Variants in RGS7 observed in about 807,000 individuals in gnomAD.
The protein encoded by RGS7 is regulator of G-protein signaling 7.
A neutral mutation model predicts 81.1 loss-of-function variants in RGS7; 27 were observed. That is an observed-to-expected ratio of 0.33 (90% CI 0.25 to 0.46). The LOEUF (loss-of-function observed/expected upper bound fraction) is 0.46. Ranked by LOEUF, RGS7 falls within the 20% of genes least tolerant of loss-of-function variation. RGS7 has a pLI of 1.00. For missense variants in RGS7, 396 were observed against 607.4 expected, an observed-to-expected ratio of 0.65 and a Z score of 3.66; for synonymous variants, 208 against 207.7, an observed-to-expected ratio of 1.00 and a Z score of -0.01.
chr1:241,033,317 C>T (rs553101839), intron 3 of RGS7, among the ~76,000 whole-genome samples: 99 of 152,288 alleles, frequency 6.5e-4, no homozygotes, highest in African/African-American at 2.2e-3. Context: ...CCCCACTGCA[C>T]TCCAGCCTGG....
chr1:241,020,088 G>A (rs1487622028), intron 3 of RGS7, among the ~76,000 whole-genome samples: 2 of 152,164 alleles, frequency 1.3e-5, no homozygotes, highest in Non-Finnish European at 2.9e-5. Context: ...ATCTCTATGT[G>A]CATTAGTTTT....
intron 9 of RGS7, among the ~76,000 whole-genome samples, chr1:240,860,814 T>G (rs571112624): frequency 6.6e-6 from 1 of 152,236 alleles, no homozygotes; most frequent in African/African-American, 2.4e-5. Context: ...CAATTCTATA[T>G]CCCAAAACAT....
At chr1:240,986,085 C>G (rs1232614534) in intron 3 of RGS7, among the ~76,000 whole-genome samples, 1 of 151,994 alleles carries the variant, frequency 6.6e-6, no homozygotes, top group Non-Finnish European at 1.5e-5. Context: ...TCAAAGTAAC[C>G]TGTGGAATTT....
intron 18 of RGS7, among the ~76,000 whole-genome samples, chr1:240,788,834 C>T (rs1685486531): frequency 6.6e-6 from 1 of 152,146 alleles, no homozygotes; most frequent in Non-Finnish European, 1.5e-5. Flanking sequence ...AGTTGGACTA[C>T]ACTTAGAAAA....
rs182950929 is a variant in RGS7 at position 240,971,620 on chromosome 1, G to A, written c.226+11459C>T. On this transcript the variant is annotated intron_variant, in intron 4 of 18. Transcript: ENST00000440928. ...GCATTATTTATAATATAAAATGCAC[G>A]TTTGCAAGATGAATGTTTGGGTAAT... Among the ~76,000 whole-genome samples, 348 of 152,272 alleles carry A rather than the reference G, an allele frequency of 2.3e-3. 1 individual carries two copies. Among genetic ancestry groups the A allele is most frequent in the Non-Finnish European group, 3.7e-3 (249 of 68,022 alleles).
chr1:241,185,069 C>A (rs2071973440), intron 2 of RGS7, among the ~76,000 whole-genome samples: 1 of 152,098 alleles, frequency 6.6e-6, no homozygotes, highest in African/African-American at 2.4e-5. Context: ...CTTGTACATT[C>A]CTTAAATCAT....
intron 18 of RGS7, 85 bp downstream of exon 18, chr1:240,800,552 AACAC>A (rs143139365): frequency 5.3e-5 from 35 of 656,108 alleles, no homozygotes; most frequent in East Asian, 6.5e-5. Context: ...CAAAAGCCAC[AACAC>A]ACACACACAC....
At chr1:241,101,394 G>A (rs974818252) in intron 2 of RGS7, among the ~76,000 whole-genome samples, 2 of 152,096 alleles carry the variant, frequency 1.3e-5, no homozygotes, top group African/African-American at 4.8e-5. Flanking sequence ...TACTCGGGAG[G>A]CTGAGGCAGG....
intron 2 of RGS7, among the ~76,000 whole-genome samples, chr1:241,227,827 C>T (rs908734413): frequency 2.6e-5 from 4 of 152,120 alleles, no homozygotes; most frequent in African/African-American, 7.2e-5. Flanking sequence ...CTGGGGACTC[C>T]TTATCATGAT....
chr1:241,052,649 A>G (rs1239109913), intron 3 of RGS7, among the ~76,000 whole-genome samples: 1 of 152,084 alleles, frequency 6.6e-6, no homozygotes, highest in Non-Finnish European at 1.5e-5. Flanking sequence ...AAATTTTCTG[A>G]GTTGATTTGG....
chr1:240,779,620 T>G lies in RGS7; in HGVS notation c.*7-3407A>C, dbSNP rs565199212. Among the ~76,000 whole-genome samples the G allele has an allele frequency of 3.0e-4, 46 of 152,298 alleles. 1 individual carries two copies. The South Asian group carries it at 8.5e-3, about 28-fold the overall frequency. ...TCTCAGCTTCTAGAACTGTGAGAGATAAATTTATTTTGCTTATAAGCTACC... is the reference window on the plus strand; with the variant it reads ...TCTCAGCTTCTAGAACTGTGAGAGAGAAATTTATTTTGCTTATAAGCTACC... On this transcript the variant is annotated intron_variant, in intron 18 of 18. Coordinates refer to ENST00000440928, the MANE Select transcript of RGS7 (RefSeq NM_001364886.1).
chr1:241,315,094 TTTTC>T (rs1275862992), intron 2 of RGS7, among the ~76,000 whole-genome samples: 1 of 144,624 alleles, frequency 6.9e-6, no homozygotes, highest in African/African-American at 2.6e-5. Context: ...AGCTTTTTTT[TTTTC>T]TTCTTCTTCT....
At chr1:241,291,562 AT>A (rs1242898723) in intron 2 of RGS7, among the ~76,000 whole-genome samples, 29 of 133,530 alleles carry the variant, frequency 2.2e-4, no homozygotes, top group Admixed American at 5.5e-4. Context: ...GGCTCAGAGA[AT>A]TCCCAGCTTT....
chr1:240,840,211 C>T (rs1657657735), intron 9 of RGS7, among the ~76,000 whole-genome samples: 1 of 152,148 alleles, frequency 6.6e-6, no homozygotes, highest in African/African-American at 2.4e-5. Context: ...CTCCAAAGGG[C>T]TCTCGTCATG....
At chr1:241,157,004 T>A (rs1009327000) in intron 2 of RGS7, among the ~76,000 whole-genome samples, 2 of 152,176 alleles carry the variant, frequency 1.3e-5, no homozygotes, top group Non-Finnish European at 2.9e-5. Flanking sequence ...CTTGCATATA[T>A]TCATTACATA....
At chr1:240,808,792 T>C (rs1689326861) in intron 14 of RGS7, among the ~76,000 whole-genome samples, 1 of 152,080 alleles carries the variant, frequency 6.6e-6, no homozygotes, top group East Asian at 1.9e-4. Flanking sequence ...GGAGGATCAG[T>C]TGAGCCCAGG....
At chr1:241,251,978 C>T (rs985382548) in intron 2 of RGS7, among the ~76,000 whole-genome samples, 5 of 152,114 alleles carry the variant, frequency 3.3e-5, no homozygotes, top group African/African-American at 9.6e-5. Flanking sequence ...GGAGTCCAAG[C>T]GTGACTTATA....
At chr1:241,159,871 A>G (rs770618670) in intron 2 of RGS7, among the ~76,000 whole-genome samples, 2 of 151,972 alleles carry the variant, frequency 1.3e-5, no homozygotes, top group Non-Finnish European at 2.9e-5. Flanking sequence ...AGTTAAATCA[A>G]TATGGCAGAA....
chr1:240,834,403 C>G (rs1477675393), intron 9 of RGS7, among the ~76,000 whole-genome samples: 3 of 152,168 alleles, frequency 2.0e-5, no homozygotes, highest in Non-Finnish European at 2.9e-5. Flanking sequence ...CAGAATCATA[C>G]GAAGTCAGCC....
Sources: gnomAD v4.1 joint callset for allele counts (sites outside exome capture counted in the v4.1 genomes callset) on GRCh38, gnomAD v4.1.1 for gene constraint, MANE v1.5 for transcripts, NCBI Gene and HGNC (gene_info 2026-07-23, HGNC 2026-07-21) for gene names.